The following LEPR variants were observed in gnomAD, a reference collection of about 807,000 sequenced individuals.
LEPR encodes OB receptor.
In LEPR, 56 loss-of-function variants were observed where a neutral mutation model predicts 114.7. The observed-to-expected ratio is 0.49, with a 90% confidence interval of 0.39 to 0.61. The LOEUF is 0.61. Among genes scored for constraint, LEPR ranks in the 20% least tolerant of loss-of-function variants. The pLI is 0.00. For synonymous variants in LEPR, 443 were observed against 461.4 expected (o/e 0.96, Z 0.51); for missense variants, 1,202 against 1,352.9 (o/e 0.89, Z 1.75).
chr1:65,638,050 C>A lies in LEPR; in HGVS notation c.*1035C>A, dbSNP rs1474101254. On this transcript the variant is annotated 3_prime_UTR_variant, in exon 20 of 20. Coordinates refer to ENST00000349533, the MANE Select transcript of LEPR (RefSeq NM_002303.6). Reference sequence around the variant, plus strand: ...CAATTTAAAAAAACTGACTTGTAATCAAAATTTATTAAGTAGAGGCTGGCA... The same window carrying A: ...CAATTTAAAAAAACTGACTTGTAATAAAAATTTATTAAGTAGAGGCTGGCA... The A allele has an allele frequency of 1.3e-5, 2 of 152,022 alleles. No individual in the cohort carries two copies. Among genetic ancestry groups the A allele is most frequent in the Non-Finnish European group, 2.9e-5 (2 of 67,984 alleles). The allele number at this position is 152,022 out of a possible 1,614,324, so 9.4% of individuals were successfully genotyped here.
intron 5 of LEPR, among the ~76,000 whole-genome samples, chr1:65,588,800 G>A (rs557966490): frequency 1.3e-5 from 2 of 152,112 alleles, no homozygotes; most frequent in Non-Finnish European, 2.9e-5. Context: ...TCCACTAAAT[G>A]GTTATATTGC....
In LEPR at chr1:65,638,046, T is replaced by C. The variant is rs193024617; in HGVS notation, c.*1031T>C. ...CCATCAATTTAAAAAAACTGACTTG[T>C]AATCAAAATTTATTAAGTAGAGGCT... On this transcript the variant is annotated 3_prime_UTR_variant, in exon 20 of 20. Coordinates refer to ENST00000349533, the MANE Select transcript of LEPR (RefSeq NM_002303.6). 4 of 152,314 alleles carry C rather than the reference T, an allele frequency of 2.6e-5. No homozygotes were observed. Among genetic ancestry groups the C allele is most frequent in the Non-Finnish European group, 4.4e-5 (3 of 68,020 alleles). The allele number at this position is 152,314 out of a possible 1,614,324, so 9.4% of individuals were successfully genotyped here.
At position 65,618,117 on chromosome 1, in the gene LEPR, C is replaced by A. The variant is rs771996587; in HGVS notation, c.2366C>A (p.Ser789Tyr). ...EDGEIKWLRI[S>Y]SSVKKYYIHD... ...GGTGAAATAAAATGGCTTAGAATCT[C>A]TTCATCTGTTAAGAAGTATTATATC... Residue 789 changes from serine (S) to tyrosine (Y), a missense_variant, in exon 16 of 20, where the codon TCT (serine) becomes TAT (tyrosine). Physicochemically the swap from Ser to Tyr is moderately radical, Grantham distance 144. Transcript: ENST00000349533. 10 of 1,609,536 alleles carry A rather than the reference C, an allele frequency of 6.2e-6. No homozygotes were observed. The Admixed American group carries it at 1.3e-4, about 22-fold the overall frequency.
At chr1:65,573,023 C>T (rs1296235487) in intron 5 of LEPR, among the ~76,000 whole-genome samples, 4 of 152,180 alleles carry the variant, frequency 2.6e-5, no homozygotes, top group African/African-American at 9.6e-5. Flanking sequence ...CTGAGCCATG[C>T]CCTGGCTCCC....
rs1476099557 is a variant in LEPR, at chr1:65,634,480, A to G, written c.2674-1711A>G. ...GCATATAGTGAAATTTTTTAAATGG[A>G]TATACTTTTAATAAAGTTTTATAAC... On this transcript the variant is annotated intron_variant, in intron 19 of 19. Transcript: ENST00000349533. 4 of 945,746 alleles carry G rather than the reference A, an allele frequency of 4.2e-6. No individual in the cohort carries two copies. In the African/African-American group the frequency reaches 7.1e-5, roughly 17 times the overall value. 58.6% of individuals were successfully genotyped at this position (945,746 alleles called of 1,614,324 possible).
At chr1:65,500,328 C>A (rs749812707) in intron 2 of LEPR, among the ~76,000 whole-genome samples, 2 of 152,110 alleles carry the variant, frequency 1.3e-5, no homozygotes, top group African/African-American at 4.8e-5. Flanking sequence ...TTATATTGGC[C>A]AGTTCCTCAA....
chr1:65,488,186 T>C lies in LEPR; in HGVS notation c.-21+62808T>C, dbSNP rs1428212713. Among the ~76,000 whole-genome samples, 7 of 20,828 alleles carry C rather than the reference T, an allele frequency of 3.4e-4. No individual in the cohort carries two copies. In the East Asian group the frequency reaches 3.8e-3, roughly 11 times the overall value. 13.7% of individuals were successfully genotyped at this position (20,828 alleles called of 152,430 possible). A position where few individuals can be genotyped will look rare whatever the true frequency, so the allele number is the denominator to read the frequency against. Reference sequence around the variant, plus strand: ...TTTCTTTCTTTCTTTCTTTCTTTCTTTCTTTCTTTCTTTCTTTCTTTCTTT... The same window carrying C: ...TTTCTTTCTTTCTTTCTTTCTTTCTCTCTTTCTTTCTTTCTTTCTTTCTTT... On this transcript the variant is annotated intron_variant, in intron 2 of 19. Transcript: ENST00000349533.
chr1:65,549,147 T>C (rs962164417), intron 2 of LEPR, among the ~76,000 whole-genome samples: 2 of 151,528 alleles, frequency 1.3e-5, no homozygotes, highest in African/African-American at 4.9e-5. Context: ...CCCACTCTCT[T>C]CTGGCTTGTA....
intron 2 of LEPR, among the ~76,000 whole-genome samples, chr1:65,456,397 T>A (rs1646876830): frequency 6.6e-6 from 1 of 152,260 alleles, no homozygotes; most frequent in African/African-American, 2.4e-5. Context: ...GATCTGTCCA[T>A]TTCTGACAGA....
In LEPR at chr1:65,619,953, C is replaced by T. The variant is rs1286559533; in HGVS notation, c.2421C>T (p.Tyr807=). 7 of 1,612,182 alleles carry T rather than the reference C, an allele frequency of 4.3e-6. No homozygotes were observed. The highest frequency in any genetic ancestry group is 5.9e-6 in the Non-Finnish European group (7 of 1,178,694). The change falls in exon 17 of 20, where the codon TAC becomes TAT. Residue 807 remains tyrosine, a synonymous_variant. Transcript: ENST00000349533. ...ATCATTTTATCCCCATTGAGAAGTA[C>T]CAGTTCAGTCTTTACCCAATATTTA... ...IHDHFIPIEK[Y]QFSLYPIFME...
intron 9 of LEPR, 43 bp from the exon 10 acceptor site, chr1:65,601,800 G>T (rs759692699): frequency 1.6e-5 from 25 of 1,581,892 alleles, no homozygotes; most frequent in African/African-American, 2.8e-5. Context: ...TGAATTTTTT[G>T]GAGTTTTTGC....
intron 2 of LEPR, among the ~76,000 whole-genome samples, chr1:65,514,302 A>G (rs190241366): frequency 9.2e-5 from 14 of 152,212 alleles, no homozygotes; most frequent in African/African-American, 3.4e-4. Flanking sequence ...AGGAGTCTAA[A>G]TGAGTTACAC....
At chr1:65,424,327 A>G (rs1043686702) in intron 1 of LEPR, among the ~76,000 whole-genome samples, 3 of 152,212 alleles carry the variant, frequency 2.0e-5, no homozygotes, top group South Asian at 4.1e-4. Flanking sequence ...GATCAAAGGT[A>G]TATATTACAG....
At chr1:65,586,613 CA>C (rs1052343690) in intron 5 of LEPR, among the ~76,000 whole-genome samples, 30 of 151,820 alleles carry the variant, frequency 2.0e-4, no homozygotes, top group African/African-American at 6.5e-4. Context: ...TATCATGAAA[CA>C]GTCTTTTTTT....
chr1:65,543,516 T>C (rs1405042512), intron 2 of LEPR, among the ~76,000 whole-genome samples: 1 of 152,068 alleles, frequency 6.6e-6, no homozygotes, highest in Non-Finnish European at 1.5e-5. Context: ...CCATTGCTTT[T>C]GATGTTTTAG....
At chr1:65,538,517 ATAC>A (rs1457369555) in intron 2 of LEPR, among the ~76,000 whole-genome samples, 2 of 152,138 alleles carry the variant, frequency 1.3e-5, no homozygotes, top group Non-Finnish European at 2.9e-5. Flanking sequence ...AAATAAATTT[ATAC>A]TATATAAATT....
At position 65,633,704 on chromosome 1, in the gene LEPR, A is replaced by G; in HGVS notation, c.2674-2487A>G. On this transcript the variant is annotated intron_variant, in intron 19 of 19. Coordinates refer to ENST00000349533, the MANE Select transcript of LEPR (RefSeq NM_002303.6). The surrounding 1 kb of genome is among the most constrained non-coding windows in gnomAD (Gnocchi z 4.1). Reference sequence around the variant, plus strand: ...GACACGTCAGCCTAAAAATCAGCCTATTCGGGTGTTCTTTTGAATATCTCC... The same window carrying G: ...GACACGTCAGCCTAAAAATCAGCCTGTTCGGGTGTTCTTTTGAATATCTCC... 1 of 985,468 alleles carries G rather than the reference A, an allele frequency of 1.0e-6. No homozygotes were observed. Among genetic ancestry groups the G allele is most frequent in the Non-Finnish European group, 1.2e-6 (1 of 829,926 alleles). 61.0% of individuals were successfully genotyped at this position (985,468 alleles called of 1,614,324 possible).
In LEPR at chr1:65,570,491, C is replaced by A. The variant is rs932745822; in HGVS notation, c.59C>A (p.Thr20Asn). Reference sequence around the variant, plus strand: ...CTAACAGAATTTATTTATGTGATAACTGCGTTTAACTTGTCATATCCAATT... The same window carrying A: ...CTAACAGAATTTATTTATGTGATAAATGCGTTTAACTTGTCATATCCAATT... ...LLHWEFIYVI[T>N]AFNLSYPITP... The change falls in exon 4 of 20, where the codon ACT (threonine) becomes AAT (asparagine). Residue 20 changes from threonine to asparagine, a missense_variant. Coordinates refer to ENST00000349533, the MANE Select transcript of LEPR (RefSeq NM_002303.6). 6.2e-7 allele frequency: 1 copy of A among 1,613,528 alleles called. No individual in the cohort carries two copies. Among genetic ancestry groups the A allele is most frequent in the Non-Finnish European group, 8.5e-7 (1 of 1,179,860 alleles).
intron 2 of LEPR, among the ~76,000 whole-genome samples, chr1:65,540,115 C>T (rs748702555): frequency 7.9e-5 from 12 of 152,152 alleles, no homozygotes; most frequent in Admixed American, 3.9e-4. Flanking sequence ...GAATTACATA[C>T]GCAGATATTA....
Sources: gnomAD v4.1 joint callset for allele counts (sites outside exome capture counted in the v4.1 genomes callset) on GRCh38, gnomAD v4.1.1 for gene constraint, Gnocchi (gnomAD v3.1) non-coding constraint, MANE v1.5 for transcripts, NCBI Gene and HGNC (gene_info 2026-07-23, HGNC 2026-07-21) for gene names.